Variants in PRELID3A observed in about 807,000 individuals in gnomAD.
The protein encoded by PRELID3A is PRELI domain containing protein 3A.
PRELID3A carries 27 observed loss-of-function variants against 23.0 expected under a neutral mutation model. That is an observed-to-expected ratio of 1.17 (90% CI 0.87 to 1.62). The LOEUF is 1.62. PRELID3A is among the 40% of genes most tolerant of loss of function. PRELID3A has a pLI of 0.00. For missense variants in PRELID3A, 231 were observed against 231.4 expected, an observed-to-expected ratio of 1.00 and a Z score of 0.01; for synonymous variants, 87 against 86.4, an observed-to-expected ratio of 1.01 and a Z score of -0.04.
intron 1 of PRELID3A, among the ~76,000 whole-genome samples, chr18:12,409,310 G>A (rs1909836547): frequency 6.6e-6 from 1 of 151,740 alleles, no homozygotes; most frequent in African/African-American, 2.4e-5. Context: ...GGGACTACAG[G>A]TGTGGGCCAT....
intron 1 of PRELID3A, among the ~76,000 whole-genome samples, chr18:12,409,126 C>T (rs1251418605): frequency 2.2e-5 from 3 of 138,696 alleles, no homozygotes; most frequent in Non-Finnish European, 4.7e-5. Context: ...TTATTTTTTT[C>T]GAGACAGAGT....
In PRELID3A at chr18:12,429,470, T is replaced by C. The variant is rs2030495374; in HGVS notation, c.*33+34T>C. 7 of 1,396,408 alleles carry C rather than the reference T, an allele frequency of 5.0e-6. No individual in the cohort carries two copies. In the East Asian group the frequency reaches 1.1e-4, roughly 23 times the overall value. 86.5% of individuals were successfully genotyped at this position (1,396,408 alleles called of 1,614,324 possible). A position where few individuals can be genotyped will look rare whatever the true frequency, so the allele number is the denominator to read the frequency against. On this transcript the variant is annotated intron_variant, in intron 6 of 6. Transcript: ENST00000440960. The stretch of plus-strand genomic sequence containing the variant: ...AGTATTCACTCACCTGGGGGGGTAC[T>C]TGCAGCCTCTTGTGACCCGTGTGCA...
chr18:12,411,518 T>C (rs954262304), intron 1 of PRELID3A, among the ~76,000 whole-genome samples: 1 of 151,118 alleles, frequency 6.6e-6, no homozygotes, highest in Admixed American at 6.6e-5. Flanking sequence ...TTCCCAGCAT[T>C]GAGGTTTCAG....
chr18:12,415,504 G>A (rs192762117), intron 1 of PRELID3A, among the ~76,000 whole-genome samples: 1 of 152,210 alleles, frequency 6.6e-6, no homozygotes, highest in Non-Finnish European at 1.5e-5. Context: ...TGATCCGCCC[G>A]CCTCGGCCTC....
chr18:12,429,688 G>A (rs750430331), intron 6 of PRELID3A, among the ~76,000 whole-genome samples: 13 of 152,224 alleles, frequency 8.5e-5, no homozygotes, highest in Admixed American at 2.0e-4. Flanking sequence ...GTGGCAGCTC[G>A]GCCTCTCCAG....
rs532034831 is a variant in PRELID3A at position 12,432,059 on chromosome 18, C to T, written c.*943C>T. The T allele has an allele frequency of 9.2e-5, 14 of 152,294 alleles. No homozygotes were observed. Among genetic ancestry groups the T allele is most frequent in the African/African-American group, 3.4e-4 (14 of 41,568 alleles). The allele number at this position is 152,294 out of a possible 1,614,324, so 9.4% of individuals were successfully genotyped here. A position where few individuals can be genotyped will look rare whatever the true frequency, so the allele number is the denominator to read the frequency against. Reference sequence around the variant, plus strand: ...AAAAAATACATAAAAGCAACCCATGCTTATGGTTAAAAAAGAGTACAGGAG... The same window carrying T: ...AAAAAATACATAAAAGCAACCCATGTTTATGGTTAAAAAAGAGTACAGGAG... On this transcript the variant is annotated 3_prime_UTR_variant, in exon 7 of 7. Coordinates refer to ENST00000440960, the MANE Select transcript of PRELID3A (RefSeq NM_001142405.2).
intron 3 of PRELID3A, among the ~76,000 whole-genome samples, chr18:12,421,995 AGTG>A: frequency 6.6e-6 from 1 of 151,980 alleles, no homozygotes; most frequent in East Asian, 1.9e-4. Flanking sequence ...GCTGGAGTGC[AGTG>A]GTGTGGTCAT....
chr18:12,411,973 C>T (rs1186939285), intron 1 of PRELID3A, among the ~76,000 whole-genome samples: 2 of 149,090 alleles, frequency 1.3e-5, no homozygotes, highest in South Asian at 2.1e-4. Context: ...TGCAGGGGCG[C>T]AGTCTCGGCT....
chr18:12,413,110 C>T (rs500718), intron 1 of PRELID3A, among the ~76,000 whole-genome samples: 3,112 of 152,220 alleles, frequency 0.02, 99 homozygotes, highest in African/African-American at 0.071. Flanking sequence ...TATGGCTATT[C>T]TTTCCTGTTA....
intron 1 of PRELID3A, 86 bp downstream of exon 1, chr18:12,408,093 G>C: frequency 2.6e-6 from 3 of 1,136,160 alleles, no homozygotes; most frequent in Non-Finnish European, 3.3e-6. Context: ...AGGAAAGGCC[G>C]GACCTCACAG....
At chr18:12,413,760 T>A (rs549257957) in intron 1 of PRELID3A, among the ~76,000 whole-genome samples, 26 of 152,236 alleles carry the variant, frequency 1.7e-4, no homozygotes, top group African/African-American at 6.0e-4. Flanking sequence ...ATTTTTGTAT[T>A]TTTAGTAGAG....
chr18:12,426,736 A>G (rs1331336694), intron 3 of PRELID3A, among the ~76,000 whole-genome samples: 1 of 152,114 alleles, frequency 6.6e-6, no homozygotes, highest in African/African-American at 2.4e-5. Context: ...TTATATGGAC[A>G]CACAGGCCTA....
intron 3 of PRELID3A, chr18:12,422,232 T>G (rs1428539262): frequency 2.0e-5 from 3 of 147,728 alleles, no homozygotes; most frequent in African/African-American, 7.5e-5. Context: ...TGAGACAGTC[T>G]CTCTCTCTCA....
At chr18:12,416,296 G>A (rs1785658) in intron 1 of PRELID3A, among the ~76,000 whole-genome samples, 1 of 151,124 alleles carries the variant, frequency 6.6e-6, no homozygotes, top group African/African-American at 2.5e-5. Context: ...TTCTTTCTGG[G>A]TTTTTGTTGT....
intron 1 of PRELID3A, among the ~76,000 whole-genome samples, chr18:12,409,333 A>T (rs1441084264): frequency 6.6e-6 from 1 of 151,560 alleles, no homozygotes; most frequent in Non-Finnish European, 1.5e-5. Flanking sequence ...CGCCCGGCTA[A>T]TTTTTGTATT....
chr18:12,415,136 C>T (rs182887699), intron 1 of PRELID3A, among the ~76,000 whole-genome samples: 48 of 152,132 alleles, frequency 3.2e-4, no homozygotes, highest in Admixed American at 5.2e-4. Context: ...TGCTCTATTG[C>T]GCAGGCTGGT....
intron 1 of PRELID3A, chr18:12,410,613 T>C (rs1285206576): frequency 6.6e-6 from 1 of 152,240 alleles, no homozygotes; most frequent in African/African-American, 2.4e-5. Context: ...TTGAGGATTA[T>C]AGACCTTTCT....
intron 6 of PRELID3A, among the ~76,000 whole-genome samples, chr18:12,429,756 C>T (rs1598867133): frequency 6.6e-6 from 1 of 152,340 alleles, no homozygotes. Flanking sequence ...AGAGTTGGCG[C>T]GAGTGGCCAG....
In PRELID3A at chr18:12,429,402, A is replaced by G. The variant is rs2030492045; in HGVS notation, c.518A>G (p.Ter173=). 6.2e-7 allele frequency: 1 copy of G among 1,613,590 alleles called. No homozygotes were observed. Among genetic ancestry groups the G allele is most frequent in the Middle Eastern group, 1.7e-4 (1 of 5,786 alleles). Residue 173 remains the stop codon, a stop_retained_variant, in exon 6 of 7, where the codon TAA becomes TGA. Coordinates refer to ENST00000440960, the MANE Select transcript of PRELID3A (RefSeq NM_001142405.2). ...IIEHSESAVS[*] The stretch of plus-strand genomic sequence containing the variant: ...GAACACTCTGAAAGCGCTGTGAGCT[A>G]AGGAGGCCTGTGCCTGTGCTTGTCA...
Sources: gnomAD v4.1 joint callset for allele counts (sites outside exome capture counted in the v4.1 genomes callset) on GRCh38, gnomAD v4.1.1 for gene constraint, MANE v1.5 for transcripts, NCBI Gene and HGNC (gene_info 2026-07-23, HGNC 2026-07-21) for gene names.